PMM2: variants seen among roughly 807,000 people sequenced by gnomAD.
PMM2 encodes phosphomannomutase 2, also known as mannose-6-phosphate isomerase.
Under a neutral mutation model 33.2 loss-of-function variants are expected in PMM2, and 35 were observed. That is an observed-to-expected ratio of 1.06 (90% CI 0.81 to 1.40). The LOEUF is 1.40. Among genes scored for constraint, PMM2 ranks in the 40% most tolerant of loss-of-function variants. PMM2 has a pLI of 0.00. For synonymous variants in PMM2, 153 were observed against 114.7 expected (o/e 1.33, Z -2.13); for missense variants, 386 against 306.0 (o/e 1.26, Z -1.95).
At chr16:8,825,675 G>A (rs1462998526) in intron 7 of PMM2, among the ~76,000 whole-genome samples, 1 of 151,852 alleles carries the variant, frequency 6.6e-6, no homozygotes, top group Non-Finnish European at 1.5e-5. Flanking sequence ...TAGTTTGACT[G>A]TAGGGTAACA....
intron 3 of PMM2, among the ~76,000 whole-genome samples, chr16:8,805,144 G>A (rs1368266408): frequency 1.3e-5 from 2 of 152,214 alleles, no homozygotes; most frequent in East Asian, 1.9e-4. Context: ...TACAACCTCC[G>A]CCTACCTCCG....
intron 7 of PMM2, among the ~76,000 whole-genome samples, chr16:8,813,542 C>A (rs2060689820): frequency 6.6e-6 from 1 of 152,140 alleles, no homozygotes; most frequent in Non-Finnish European, 1.5e-5. Flanking sequence ...TCTCATGAGC[C>A]TGAAACAGGA....
At chr16:8,832,699 TGTAAA>T in intron 7 of PMM2, 10 of 985,440 alleles carry the variant, frequency 1.0e-5, no homozygotes, top group Non-Finnish European at 1.1e-5. Flanking sequence ...AAGATCCTGT[TGTAAA>T]GTAATCTGAT....
rs553519471 is a variant in PMM2, at chr16:8,839,451, G to A, written c.640-8273G>A. On this transcript the variant is annotated intron_variant, in intron 7 of 7. Coordinates refer to ENST00000268261, the MANE Select transcript of PMM2 (RefSeq NM_000303.3). ...GACTGATGGGGTAACTGCATAGAGG[G>A]GGAGGTTCGATTTTCATGGTGTATG... Among the ~76,000 whole-genome samples, 7 of 152,058 alleles carry A rather than the reference G, an allele frequency of 4.6e-5. No homozygotes were observed. The South Asian group carries it at 1.5e-3, about 32-fold the overall frequency.
At chr16:8,804,241 A>G (rs7194210) in intron 2 of PMM2, among the ~76,000 whole-genome samples, 7,300 of 151,032 alleles carry the variant, frequency 0.048, 604 homozygotes, top group African/African-American at 0.17. Flanking sequence ...GGGTTTCACT[A>G]TGTTGGCCAG....
chr16:8,836,916 A>G (rs1402885799), intron 7 of PMM2, among the ~76,000 whole-genome samples: 1 of 151,952 alleles, frequency 6.6e-6, no homozygotes, highest in Non-Finnish European at 1.5e-5. Context: ...CACCTTTTCA[A>G]GAGTAAATTG....
intron 2 of PMM2, among the ~76,000 whole-genome samples, chr16:8,804,021 G>GTTTT (rs113764347): frequency 6.7e-4 from 49 of 72,594 alleles, no homozygotes; most frequent in African/African-American, 2.3e-3. Flanking sequence ...TTGTTTTTTG[G>GTTTT]GTTTTTTTTG....
At chr16:8,802,481 C>T (rs1032281111) in intron 2 of PMM2, 28 of 341,628 alleles carry the variant, frequency 8.2e-5, no homozygotes, top group African/African-American at 6.0e-4. Context: ...TTTTGAAGAG[C>T]AGGAGTATGG....
intron 7 of PMM2, among the ~76,000 whole-genome samples, chr16:8,823,455 T>G (rs1043079676): frequency 6.6e-6 from 1 of 152,202 alleles, no homozygotes; most frequent in Non-Finnish European, 1.5e-5. Context: ...TGAAACACTT[T>G]TTTCCCTCTC....
chr16:8,812,814 A>C (rs982777249), intron 6 of PMM2, among the ~76,000 whole-genome samples, 177 bp from the exon 7 acceptor site: 1 of 152,256 alleles, frequency 6.6e-6, no homozygotes, highest in African/African-American at 2.4e-5. Context: ...GGAAAAAAAC[A>C]ATGTAGAATT....
chr16:8,817,849 T>C (rs907595145), intron 7 of PMM2, among the ~76,000 whole-genome samples: 6 of 152,172 alleles, frequency 3.9e-5, no homozygotes, highest in Admixed American at 3.9e-4. Context: ...GTTTTAGTTT[T>C]CTTTCTCTTA....
chr16:8,821,424 A>G (rs2060738841), intron 7 of PMM2, among the ~76,000 whole-genome samples: 2 of 152,144 alleles, frequency 1.3e-5, no homozygotes, highest in Non-Finnish European at 2.9e-5. Context: ...CAGGAATAGG[A>G]CTGTGGCTAA....
intron 2 of PMM2, 108 bp from the exon 3 acceptor site, chr16:8,804,659 G>GTC (rs1447251967): frequency 2.6e-6 from 2 of 771,756 alleles, no homozygotes; most frequent in Non-Finnish European, 2.3e-6. Context: ...GTCTTTCACA[G>GTC]TCCTTGCTGG....
intron 7 of PMM2, chr16:8,832,039 T>C: frequency 1.6e-6 from 1 of 642,114 alleles, no homozygotes; most frequent in Non-Finnish European, 1.9e-6. Flanking sequence ...ATTTGAAATT[T>C]CCGGTTCTCT....
At chr16:8,817,371 C>T (rs557409549) in intron 7 of PMM2, among the ~76,000 whole-genome samples, 50 of 152,314 alleles carry the variant, frequency 3.3e-4, no homozygotes, top group Non-Finnish European at 6.2e-4. Context: ...AAGGGATGCC[C>T]GGAAGCTTCC....
intron 2 of PMM2, among the ~76,000 whole-genome samples, chr16:8,803,490 T>C (rs2060627382): frequency 6.6e-6 from 1 of 152,160 alleles, no homozygotes; most frequent in African/African-American, 2.4e-5. Flanking sequence ...CAAAAGACAG[T>C]TGAAGGCCCA....
intron 7 of PMM2, among the ~76,000 whole-genome samples, chr16:8,836,809 G>T (rs11649095): frequency 0.41 from 61,787 of 151,382 alleles, 12,972 homozygotes; most frequent in Non-Finnish European, 0.46. Context: ...CATGAACTGG[G>T]CTGGATTTTT....
intron 7 of PMM2, among the ~76,000 whole-genome samples, chr16:8,837,536 C>T (rs987871989): frequency 1.3e-5 from 2 of 150,986 alleles, no homozygotes; most frequent in African/African-American, 4.9e-5. Context: ...GTGGGGGGTT[C>T]TTGCCCTCCA....
rs1025226576 is a variant in PMM2, at chr16:8,801,678, A to T, written c.67-121A>T. On this transcript the variant is annotated intron_variant, in intron 1 of 7. Transcript: ENST00000268261. ...CAAGTGAGACCCTATCTCAAAAAAA[A>T]ATTTTTTCTTTAATTTTTAAATAAG... The T allele has an allele frequency of 1.7e-5, 11 of 641,332 alleles. No homozygotes were observed. In the African/African-American group the frequency reaches 1.9e-4, roughly 11 times the overall value. 39.7% of individuals were successfully genotyped at this position (641,332 alleles called of 1,614,324 possible).
Sources: allele counts gnomAD v4.1 joint callset (sites outside exome capture counted in the v4.1 genomes callset), GRCh38; gene constraint gnomAD v4.1.1; transcripts MANE v1.5; gene names NCBI Gene and HGNC (gene_info 2026-07-23, HGNC 2026-07-21).